Variants in SLC5A11 observed in about 807,000 individuals in gnomAD.
SLC5A11 encodes the protein sodium/myo-inositol cotransporter 2.
A neutral mutation model predicts 69.8 loss-of-function variants in SLC5A11; 48 were observed. The observed-to-expected ratio is 0.69, with a 90% confidence interval of 0.55 to 0.87. The LOEUF is 0.87. Ranked by LOEUF, SLC5A11 falls within the 40% of genes least tolerant of loss-of-function variation. The probability of loss-of-function intolerance (pLI) is 0.00; values close to 1 mark genes in which losing one functional copy is unlikely to be tolerated. For synonymous variants in SLC5A11, 319 were observed against 342.4 expected, an observed-to-expected ratio of 0.93 and a Z score of 0.75; for missense variants, 784 against 866.1, an observed-to-expected ratio of 0.91 and a Z score of 1.19.
At chr16:24,883,900 ACACAGGGAGGAGTGAT>A in intron 7 of SLC5A11, 135 bp from the exon 9 acceptor site, 1 of 659,146 alleles carries the variant, frequency 1.5e-6, no homozygotes, top group South Asian at 2.1e-5. Context: ...ATGGGCGTGC[ACACAGGGAGGAGTGAT>A]CGTGGCCATC....
chr16:24,885,741 T>C (rs2048357308), intron 8 of SLC5A11, among the ~76,000 whole-genome samples: 1 of 149,810 alleles, frequency 6.7e-6, no homozygotes, highest in African/African-American at 2.5e-5. Flanking sequence ...TCCTGAAAGA[T>C]GGCAGAATAT....
exon 7 of SLC5A11, chr16:24,877,319 C>T: frequency 6.2e-7 from 1 of 1,614,076 alleles, no homozygotes; most frequent in Non-Finnish European, 8.5e-7. Context: ...CTGTACCTGG[C>T]CATAGTTGGG....
At chr16:24,852,855 GTTT>G (rs2059370551) in intron 1 of SLC5A11, among the ~76,000 whole-genome samples, 3 of 56,190 alleles carry the variant, frequency 5.3e-5, no homozygotes, top group African/African-American at 4.7e-4. Context: ...CCTAATAAAT[GTTT>G]GTTCTACTGA....
chr16:24,872,459 G>GA (rs1167304105), intron 5 of SLC5A11, among the ~76,000 whole-genome samples: 1 of 152,052 alleles, frequency 6.6e-6, no homozygotes, highest in East Asian at 1.9e-4. Context: ...TTGGAGGTTG[G>GA]AAAAAATATG....
chr16:24,854,106 C>T (rs1253348200), intron 1 of SLC5A11, among the ~76,000 whole-genome samples: 1 of 152,168 alleles, frequency 6.6e-6, no homozygotes, highest in African/African-American at 2.4e-5. Flanking sequence ...TCTCCCACTG[C>T]TCTCTCGGTG....
At chr16:24,872,873 T>G (rs202008930) in intron 5 of SLC5A11, among the ~76,000 whole-genome samples, 1 of 141,508 alleles carries the variant, frequency 7.1e-6, no homozygotes, top group South Asian at 2.5e-4. Flanking sequence ...GTATATAGCT[T>G]ATGCCTGTAA....
exon 9 of SLC5A11, chr16:24,890,912 C>T (rs757313140): frequency 1.9e-6 from 3 of 1,614,158 alleles, no homozygotes; most frequent in Non-Finnish European, 2.5e-6. Context: ...AGGAGAAGTA[C>T]TTCTTGGCCC....
chr16:24,899,381 G>T (rs1216426989), intron 10 of SLC5A11, among the ~76,000 whole-genome samples: 1 of 151,950 alleles, frequency 6.6e-6, no homozygotes, highest in Non-Finnish European at 1.5e-5. Flanking sequence ...GTTGGGTTGG[G>T]TAACTTTGGC....
intron 12 of SLC5A11, among the ~76,000 whole-genome samples, 176 bp downstream of exon 13, chr16:24,907,351 G>T (rs1037842734): frequency 3.9e-5 from 6 of 152,226 alleles, no homozygotes; most frequent in Non-Finnish European, 8.8e-5. Context: ...ACCAGGCACA[G>T]GGCACATAAC....
chr16:24,880,869 C>T (rs2048000202), intron 7 of SLC5A11, among the ~76,000 whole-genome samples: 1 of 152,152 alleles, frequency 6.6e-6, no homozygotes, highest in Non-Finnish European at 1.5e-5. Flanking sequence ...ACAACCTCGC[C>T]AACGTCGGTT....
intron 1 of SLC5A11, among the ~76,000 whole-genome samples, chr16:24,854,633 T>C (rs563231742): frequency 6.6e-6 from 1 of 152,266 alleles, no homozygotes; most frequent in Non-Finnish European, 1.5e-5. Flanking sequence ...GATTTCACCA[T>C]GTTACCCAGG....
At chr16:24,860,333 G>A (rs1320114703) in intron 2 of SLC5A11, among the ~76,000 whole-genome samples, 7 of 152,050 alleles carry the variant, frequency 4.6e-5, no homozygotes, top group African/African-American at 7.2e-5. Flanking sequence ...GTGGGTGCCT[G>A]TAATCCCAGC....
At chr16:24,849,183 TAGTG>T (rs1205449193) in intron 1 of SLC5A11, among the ~76,000 whole-genome samples, 8 of 152,228 alleles carry the variant, frequency 5.3e-5, no homozygotes, top group African/African-American at 1.9e-4. Flanking sequence ...AGCTGTCATT[TAGTG>T]AGGTGGGGAA....
chr16:24,894,993 T>C (rs1597231531), intron 9 of SLC5A11, among the ~76,000 whole-genome samples: 1 of 151,908 alleles, frequency 6.6e-6, no homozygotes, highest in East Asian at 1.9e-4. Context: ...GGTGTGGTGG[T>C]GTATGCCTGT....
exon 16 of SLC5A11, chr16:24,911,389 G>A: frequency 1.2e-6 from 2 of 1,614,086 alleles, no homozygotes; most frequent in South Asian, 1.1e-5. Context: ...GTGGAATACA[G>A]GAGAAGGGCA....
At chr16:24,888,202 A>C (rs1434022269) in intron 8 of SLC5A11, among the ~76,000 whole-genome samples, 52 of 152,268 alleles carry the variant, frequency 3.4e-4, no homozygotes, top group South Asian at 1.2e-3. Flanking sequence ...ACACCCCAAA[A>C]ATTAAACTCA....
At chr16:24,870,683 G>A (rs1369771935) in intron 4 of SLC5A11, among the ~76,000 whole-genome samples, 8 of 149,980 alleles carry the variant, frequency 5.3e-5, no homozygotes, top group Non-Finnish European at 1.2e-4. Context: ...AGGAGGCTGA[G>A]GCAGGAGAAT....
chr16:24,902,518 G>A (rs998076516), intron 10 of SLC5A11, among the ~76,000 whole-genome samples: 1 of 149,230 alleles, frequency 6.7e-6, no homozygotes, highest in African/African-American at 2.5e-5. Flanking sequence ...TTGACCATCT[G>A]TCTTAACAAC....
At chr16:24,852,380 G>A (rs1451209165) in intron 1 of SLC5A11, among the ~76,000 whole-genome samples, 1 of 152,162 alleles carries the variant, frequency 6.6e-6, no homozygotes, top group African/African-American at 2.4e-5. Context: ...AATTATGTCA[G>A]TGGCCAAAAG....
Sources: allele counts gnomAD v4.1 joint callset (sites outside exome capture counted in the v4.1 genomes callset), GRCh38; gene constraint gnomAD v4.1.1; transcripts MANE v1.5; gene names NCBI Gene and HGNC (gene_info 2026-07-23, HGNC 2026-07-21).